Variants in SLC16A3 observed in about 807,000 individuals in gnomAD.
SLC16A3 encodes solute carrier family 16 member 3.
SLC16A3 carries 22 observed loss-of-function variants against 25.0 expected under a neutral mutation model. That is an observed-to-expected ratio of 0.88 (90% CI 0.63 to 1.26). SLC16A3 has a LOEUF of 1.26. Among genes scored for constraint, SLC16A3 ranks in the 50% most tolerant of loss-of-function variants. The probability of loss-of-function intolerance (pLI) is 0.00; values close to 1 mark genes in which losing one functional copy is unlikely to be tolerated. For missense variants in SLC16A3, 731 were observed against 666.6 expected (o/e 1.10, Z -1.06); for synonymous variants, 390 against 309.2 (o/e 1.26, Z -2.74).
chr17:82,238,322 T>C, intron 4 of SLC16A3, among the ~76,000 whole-genome samples: 1 of 152,068 alleles, frequency 6.6e-6, no homozygotes, highest in East Asian at 1.9e-4. Flanking sequence ...GTCCTGGGCT[T>C]GGGGAGGGCT....
chr17:82,218,754 T>C (rs912633421), intron 1 of SLC16A3, among the ~76,000 whole-genome samples: 1 of 152,274 alleles, frequency 6.6e-6, no homozygotes, highest in African/African-American at 2.4e-5. Flanking sequence ...CCTCCGGCTG[T>C]GCGTGGAGAA....
Position 82,236,162 on chromosome 17 carries a change from G to C in SLC16A3, c.154G>C (p.Glu52Gln). 1.2e-6 allele frequency: 2 copies of C among 1,613,308 alleles called. No individual in the cohort carries two copies. Among genetic ancestry groups the C allele is most frequent in the East Asian group, 2.2e-5 (1 of 44,886 alleles). The change falls in exon 2 of 5, where the codon GAG becomes CAG. Residue 52 changes from glutamate to glutamine, a missense_variant. Transcript: ENST00000582743. Reference sequence around the variant, plus strand: ...TGTCTTCTTCAAGGAGCTCATACAGGAGTTTGGGATCGGCTACAGCGACAC... The same window carrying C: ...TGTCTTCTTCAAGGAGCTCATACAGCAGTTTGGGATCGGCTACAGCGACAC... ...VSVFFKELIQEFGIGYSDTAW... is the reference protein window; with the variant it reads ...VSVFFKELIQQFGIGYSDTAW...
At chr17:82,230,257 G>A (rs2050472780) in intron 1 of SLC16A3, 1 of 152,556 alleles carries the variant, frequency 6.6e-6, no homozygotes. Context: ...GGAGGCCGTG[G>A]GGGGGTGTCT....
At chr17:82,227,356 G>T (rs1319020254), upstream of SLC16A3, among the ~76,000 whole-genome samples, 1 of 152,132 alleles carries the variant, frequency 6.6e-6, no homozygotes, top group Non-Finnish European at 1.5e-5. Flanking sequence ...GCTGTAGGCA[G>T]ATGTGGAAGG....
rs367627694 is a variant in SLC16A3, at chr17:82,235,999, C to G, written c.-10C>G. 9 of 1,608,024 alleles carry G rather than the reference C, an allele frequency of 5.6e-6. No individual in the cohort carries two copies. The African/African-American group carries it at 1.1e-4, about 19-fold the overall frequency. On this transcript the variant is annotated 5_prime_UTR_variant, in exon 2 of 5. Transcript: ENST00000582743. ...CTCTCTCAGGTGAGGCGGAACCAAC[C>G]CTCCTGGCCATGGGAGGGGCCGTGG...
intron 1 of SLC16A3, among the ~76,000 whole-genome samples, chr17:82,220,013 G>A (rs1249643611): frequency 6.6e-6 from 1 of 152,152 alleles, no homozygotes; most frequent in Non-Finnish European, 1.5e-5. Flanking sequence ...GGCCGGGGGG[G>A]CCCTTTCACA....
At chr17:82,231,215 C>G (rs2050489945) in intron 1 of SLC16A3, 1 of 152,176 alleles carries the variant, frequency 6.6e-6, no homozygotes, top group African/African-American at 2.4e-5. Context: ...CCTCGACCAC[C>G]CGCGCCGACC....
intron 1 of SLC16A3, among the ~76,000 whole-genome samples, chr17:82,232,663 C>T (rs777248965): frequency 2.0e-5 from 3 of 152,326 alleles, no homozygotes; most frequent in East Asian, 1.9e-4. Flanking sequence ...CAGAGCCCTG[C>T]GCCCTGCACC....
chr17:82,229,792 T>G (rs1453503518), intron 1 of SLC16A3: 1 of 152,080 alleles, frequency 6.6e-6, no homozygotes, highest in Non-Finnish European at 1.5e-5. Flanking sequence ...ATACGAAAAG[T>G]GGGTTGGTCA....
At chr17:82,229,824 C>G (rs781669786) in intron 1 of SLC16A3, 3 of 152,334 alleles carry the variant, frequency 2.0e-5, no homozygotes, top group Non-Finnish European at 4.4e-5. Flanking sequence ...GGGTGTTGGG[C>G]CAGTCAAGAG....
rs551513648 is a variant in SLC16A3 at position 82,237,518 on chromosome 17, G to A, written c.748G>A (p.Val250Met). The A allele has an allele frequency of 2.5e-5, 41 of 1,611,592 alleles. No homozygotes were observed. The highest frequency in any genetic ancestry group is 3.1e-5 in the Non-Finnish European group (36 of 1,179,530). Residue 250 changes from valine to methionine, a missense_variant, in exon 4 of 5, where the codon GTG becomes ATG. Val to Met is a conservative substitution (Grantham distance 21). Coordinates refer to ENST00000582743, the MANE Select transcript of SLC16A3 (RefSeq NM_004207.4). Reference protein sequence around the residue: ...LGLFVPPVFVVSYAKDLGVPD... With the variant: ...LGLFVPPVFVMSYAKDLGVPD... ...GCTCTTCGTCCCGCCCGTGTTCGTG[G>A]TGAGCTACGCCAAGGACCTGGGCGT...
chr17:82,223,779 T>C (rs59015878), upstream of SLC16A3, among the ~76,000 whole-genome samples: 1,961 of 152,124 alleles, frequency 0.013, 28 homozygotes, highest in African/African-American at 0.045. Context: ...CTTTCCCCAC[T>C]TGACCACATT....
chr17:82,221,344 C>T lies in SLC16A3; in HGVS notation c.-27+3160C>T, dbSNP rs1055893461. ...GGAGGCTGAGGCAGGCGAGTCACTT[C>T]AGCTCAGGAGTTCAAAGACCAGCCT... On this transcript the variant is annotated intron_variant, in intron 1 of 4. Transcript: ENST00000580098. 9.7e-4 allele frequency among the ~76,000 whole-genome samples: 148 copies of T among 152,156 alleles called. 1 individual carries two copies. Among genetic ancestry groups the T allele is most frequent in the Admixed American group, 8.0e-3 (122 of 15,290 alleles).
chr17:82,223,166 C>CTTAA (rs1380268824), intron 1 of SLC16A3, among the ~76,000 whole-genome samples: 1 of 152,178 alleles, frequency 6.6e-6, no homozygotes, highest in South Asian at 2.1e-4. Flanking sequence ...AGAGCTCTAC[C>CTTAA]TTAATTAATT....
chr17:82,226,493 G>A (rs1199198280), upstream of SLC16A3, among the ~76,000 whole-genome samples: 2 of 152,010 alleles, frequency 1.3e-5, no homozygotes, highest in Admixed American at 6.5e-5. Context: ...CCAGGGGATC[G>A]CACCATGGCC....
In SLC16A3 at chr17:82,238,910, G is replaced by A. The variant is rs947658511; in HGVS notation, c.1332G>A (p.Glu444=). The change falls in exon 5 of 5, where the codon GAG becomes GAA. Residue 444 remains glutamate (E), a synonymous_variant. Coordinates refer to ENST00000582743, the MANE Select transcript of SLC16A3 (RefSeq NM_004207.4). ...CGGGGGTGGACTTGCGGGAGGTGGA[G>A]CATTTCCTGAAGGCTGAGCCTGAGA... is the stretch of plus-strand genomic sequence containing the variant. ...ADSGVDLREV[E]HFLKAEPEKN... 1 of 1,597,784 alleles carries A rather than the reference G, an allele frequency of 6.3e-7. No homozygotes were observed. Among genetic ancestry groups the A allele is most frequent in the East Asian group, 2.3e-5 (1 of 44,380 alleles).
At chr17:82,224,771 C>T (rs36030932), upstream of SLC16A3, among the ~76,000 whole-genome samples, 30,221 of 151,892 alleles carry the variant, frequency 0.2, 3,174 homozygotes, top group Non-Finnish European at 0.23. Context: ...CGCACCCCAA[C>T]ACCTGTGCAC....
Position 82,237,633 on chromosome 17 carries a change from G to A in SLC16A3, c.863G>A (p.Gly288Glu), listed in dbSNP as rs1004292694. ...GCCGCGGGCTTCGTGGCGGGGCTTG[G>A]GAAGGTGCGGCCCTACTCCGTCTAC... ...RPAAGFVAGLGKVRPYSVYLF... is the reference protein window; with the variant it reads ...RPAAGFVAGLEKVRPYSVYLF... The change falls in exon 4 of 5, where the codon GGG (glycine) becomes GAG (glutamate). Residue 288 changes from glycine (G) to glutamate (E), a missense_variant. Physicochemically the swap from Gly to Glu is moderately conservative, Grantham distance 98. Transcript: ENST00000582743. 1.2e-6 allele frequency: 2 copies of A among 1,612,808 alleles called. No homozygotes were observed. The highest frequency in any genetic ancestry group is 8.5e-7 in the Non-Finnish European group (1 of 1,179,916).
chr17:82,235,629 G>A (rs1293650100), intron 1 of SLC16A3: 3 of 340,936 alleles, frequency 8.8e-6, no homozygotes, highest in East Asian at 7.0e-5. Flanking sequence ...TGCCCAGCAC[G>A]GGTCAGCCAG....
Sources: gnomAD v4.1 joint callset for allele counts (sites outside exome capture counted in the v4.1 genomes callset) on GRCh38, gnomAD v4.1.1 for gene constraint, MANE v1.5 for transcripts, NCBI Gene and HGNC (gene_info 2026-07-23, HGNC 2026-07-21) for gene names.